Variants in APOBEC3C observed in about 807,000 individuals in gnomAD.
APOBEC3C encodes the protein DNA dC->dU-editing enzyme APOBEC-3C.
In APOBEC3C, 14 loss-of-function variants were observed where a neutral mutation model predicts 20.6. The ratio of observed to expected loss-of-function variants is 0.68; its 90% CI spans 0.45 to 1.06. The LOEUF is 1.06. APOBEC3C is among the 50% of genes least tolerant of loss of function. The pLI, the probability that APOBEC3C is intolerant of heterozygous loss-of-function variation, is 0.00. For synonymous variants in APOBEC3C, 98 were observed against 88.8 expected (o/e 1.10, Z -0.58); for missense variants, 244 against 241.9 (o/e 1.01, Z -0.06).
At position 39,015,765 on chromosome 22, in the gene APOBEC3C, C is replaced by A. The variant is rs758139740; in HGVS notation, c.174+14C>A. 4 of 1,611,222 alleles carry A rather than the reference C, an allele frequency of 2.5e-6. No homozygotes were observed. In the South Asian group the frequency reaches 4.4e-5, roughly 18 times the overall value. ...TTCCGAAACCAGGTAGCACCAAAGTCCTAGTTACACCCTAAATAGGAGCTA... is the reference window on the plus strand; with the variant it reads ...TTCCGAAACCAGGTAGCACCAAAGTACTAGTTACACCCTAAATAGGAGCTA... On this transcript the variant is annotated intron_variant, in intron 2 of 3. Transcript: ENST00000361441.
rs75481163 is a variant in APOBEC3C at position 39,019,785 on chromosome 22, C to T, written c.*1398C>T. The stretch of plus-strand genomic sequence containing the variant: ...ACACGCACCTCTGGGATCTCTCTGC[C>T]TCCAAATATCATCTTTTTTTTTTTT... On this transcript the variant is annotated 3_prime_UTR_variant, in exon 4 of 4. Transcript: ENST00000361441. 1.3e-5 allele frequency: 2 copies of T among 148,182 alleles called. No individual in the cohort carries two copies. The highest frequency in any genetic ancestry group is 4.0e-4 in the East Asian group (2 of 5,056). The allele number at this position is 148,182 out of a possible 1,614,324, so 9.2% of individuals were successfully genotyped here.
Position 39,017,955 on chromosome 22 carries a change from C to T in APOBEC3C, c.364C>T (p.Arg122Cys), listed in dbSNP as rs778936845. Residue 122 changes from arginine (R) to cysteine (C), a missense_variant, in exon 3 of 4, where the codon CGC becomes TGC. Physicochemically the swap from Arg to Cys is radical, Grantham distance 180. Coordinates refer to ENST00000361441, the MANE Select transcript of APOBEC3C (RefSeq NM_014508.3). ...CGTGAATCTCACCATCTTCACCGCC[C>T]GCCTCTACTACTTCCAGTATCCATG... ...SNVNLTIFTA[R>C]LYYFQYPCYQ... is the part of the protein sequence containing the mutation. The T allele has an allele frequency of 8.6e-5, 139 of 1,614,078 alleles. No individual in the cohort carries two copies. The highest frequency in any genetic ancestry group is 1.1e-4 in the East Asian group (5 of 44,898).
intron 1 of APOBEC3C, among the ~76,000 whole-genome samples, chr22:39,014,745 G>T (rs1401240143): frequency 6.6e-6 from 1 of 152,184 alleles, no homozygotes; most frequent in Non-Finnish European, 1.5e-5. Flanking sequence ...TGAGCAATCA[G>T]GCATTTTGTT....
intron 1 of APOBEC3C, 71 bp downstream of exon 1, chr22:39,014,450 C>G (rs1296482925): frequency 6.3e-7 from 1 of 1,599,442 alleles, no homozygotes; most frequent in East Asian, 2.2e-5. Flanking sequence ...TGGGCCTCAG[C>G]CCTGGCCTCC....
chr22:39,017,055 A>C (rs1638358913), intron 2 of APOBEC3C, among the ~76,000 whole-genome samples: 1 of 152,064 alleles, frequency 6.6e-6, no homozygotes, highest in Non-Finnish European at 1.5e-5. Flanking sequence ...AACATGATGA[A>C]ACCCAGTCTC....
At chr22:39,014,800 T>C (rs977709518) in intron 1 of APOBEC3C, among the ~76,000 whole-genome samples, 1 of 152,164 alleles carries the variant, frequency 6.6e-6, no homozygotes, top group Non-Finnish European at 1.5e-5. Flanking sequence ...TTTGTTTCAA[T>C]ACAAAGTCTT....
chr22:39,015,338 G>A (rs1396814682), intron 1 of APOBEC3C, among the ~76,000 whole-genome samples: 1 of 151,896 alleles, frequency 6.6e-6, no homozygotes, highest in Non-Finnish European at 1.5e-5. Context: ...GAGGTTGAGG[G>A]TGTTCCATTG....
chr22:39,016,421 G>A (rs554556515), intron 2 of APOBEC3C, among the ~76,000 whole-genome samples: 3 of 130,386 alleles, frequency 2.3e-5, no homozygotes, highest in South Asian at 2.4e-4. Context: ...GTTTCATGGT[G>A]TTAGCCAAGA....
chr22:39,015,465 C>A, intron 1 of APOBEC3C, 130 bp from the exon 2 acceptor site: 1 of 1,086,838 alleles, frequency 9.2e-7, no homozygotes, highest in Non-Finnish European at 1.3e-6. Context: ...AGCAGACATT[C>A]TCAGGGCTGT....
At chr22:39,016,587 G>T (rs1489028290) in intron 2 of APOBEC3C, among the ~76,000 whole-genome samples, 1 of 151,972 alleles carries the variant, frequency 6.6e-6, no homozygotes, top group Non-Finnish European at 1.5e-5. Context: ...CGTGGAGGGG[G>T]TTTGCTTCCT....
At chr22:39,016,591 G>T (rs557338503) in intron 2 of APOBEC3C, among the ~76,000 whole-genome samples, 2 of 151,956 alleles carry the variant, frequency 1.3e-5, no homozygotes, top group Non-Finnish European at 2.9e-5. Flanking sequence ...GAGGGGGTTT[G>T]CTTCCTCCCA....
chr22:39,016,102 T>C (rs1924770449), intron 2 of APOBEC3C, among the ~76,000 whole-genome samples: 1 of 152,006 alleles, frequency 6.6e-6, no homozygotes, highest in Admixed American at 6.6e-5. Flanking sequence ...GGTTTCGAAC[T>C]CCTGACCTCA....
intron 3 of APOBEC3C, 21 bp from the exon 4 acceptor site, chr22:39,018,248 T>C: frequency 6.2e-7 from 1 of 1,610,778 alleles, no homozygotes; most frequent in Non-Finnish European, 8.5e-7. Flanking sequence ...CCCTCACTGT[T>C]TTCTCCTTGT....
rs768931254 is a variant in APOBEC3C, at chr22:39,017,917, C to T, written c.326C>T (p.Ala109Val). The change falls in exon 3 of 4, where the codon GCC becomes GTC. Residue 109 changes from alanine (A) to valine (V), a missense_variant. Transcript: ENST00000361441. Reference sequence around the variant, plus strand: ...GCAGGGGAGGTGGCCGAGTTCCTGGCCAGGCACAGCAACGTGAATCTCACC... The same window carrying T: ...GCAGGGGAGGTGGCCGAGTTCCTGGTCAGGCACAGCAACGTGAATCTCACC... ...DCAGEVAEFL[A>V]RHSNVNLTIF... 31 of 1,614,070 alleles carry T rather than the reference C, an allele frequency of 1.9e-5. No individual in the cohort carries two copies. The highest frequency in any genetic ancestry group is 2.5e-5 in the Non-Finnish European group (29 of 1,180,044).
chr22:39,014,638 G>C (rs945970313), intron 1 of APOBEC3C, among the ~76,000 whole-genome samples: 1 of 152,132 alleles, frequency 6.6e-6, no homozygotes, highest in Non-Finnish European at 1.5e-5. Flanking sequence ...AATCATGCCC[G>C]GGCTGGTGCT....
Position 39,019,599 on chromosome 22 carries a change from C to G in APOBEC3C, c.*1212C>G, listed in dbSNP as rs1924945899. ...ATGCTGTGGCCTCCATAGAAGATGT[C>G]CCAGGCCAGGTGCCCACATGGCAGG... On this transcript the variant is annotated 3_prime_UTR_variant, in exon 4 of 4. Coordinates refer to ENST00000361441, the MANE Select transcript of APOBEC3C (RefSeq NM_014508.3). The G allele has an allele frequency of 6.6e-6, 1 of 152,004 alleles. No homozygotes were observed. The highest frequency in any genetic ancestry group is 1.5e-5 in the Non-Finnish European group (1 of 68,008). The allele number at this position is 152,004 out of a possible 1,614,324, so 9.4% of individuals were successfully genotyped here.
rs549018171 is a variant in APOBEC3C at position 39,015,172 on chromosome 22, G to A, written c.18-423G>A. Among the ~76,000 whole-genome samples the A allele has an allele frequency of 9.9e-5, 15 of 152,096 alleles. 1 individual carries two copies. The highest frequency in any genetic ancestry group is 3.9e-4 in the East Asian group (2 of 5,168). ...AAATTAGCCAGGGGTGCTGGCGGGC[G>A]TCTGTAATCCCAGCTACTTGGGAGG... On this transcript the variant is annotated intron_variant, in intron 1 of 3. Coordinates refer to ENST00000361441, the MANE Select transcript of APOBEC3C (RefSeq NM_014508.3).
At chr22:39,015,872 CTATT>C in intron 2 of APOBEC3C, 121 bp downstream of exon 2, 2 of 724,926 alleles carry the variant, frequency 2.8e-6, no homozygotes, top group Non-Finnish European at 2.0e-6. Flanking sequence ...TGCCACATTT[CTATT>C]TTTTTTTTTT....
intron 1 of APOBEC3C, among the ~76,000 whole-genome samples, chr22:39,014,726 A>G (rs1924721782): frequency 6.6e-6 from 1 of 152,186 alleles, no homozygotes. Flanking sequence ...ATTGAACCAA[A>G]GGATGATTTG....
Sources: allele counts gnomAD v4.1 joint callset (sites outside exome capture counted in the v4.1 genomes callset), GRCh38; gene constraint gnomAD v4.1.1; transcripts MANE v1.5; gene names NCBI Gene and HGNC (gene_info 2026-07-23, HGNC 2026-07-21).